Variants in CNTNAP4 observed in about 807,000 individuals in gnomAD.
CNTNAP4 encodes contactin associated protein family member 4.
CNTNAP4 carries 98 observed loss-of-function variants against 148.4 expected under a neutral mutation model. The observed-to-expected ratio is 0.66, with a 90% CI of 0.56 to 0.78. The LOEUF (loss-of-function observed/expected upper bound fraction) is 0.78, where lower values mean the gene tolerates loss of function less well. CNTNAP4 is among the 30% of genes least tolerant of loss of function. The pLI, the probability that CNTNAP4 is intolerant of heterozygous loss-of-function variation, is 0.00. For missense variants in CNTNAP4, 1,935 were observed against 1,565.6 expected, an observed-to-expected ratio of 1.24 and a Z score of -3.98; for synonymous variants, 730 against 565.1, an observed-to-expected ratio of 1.29 and a Z score of -4.14.
At position 76,277,765 on chromosome 16, in the gene CNTNAP4, G is replaced by T; in HGVS notation, c.85+18G>T. ...GAATTCCTGTAAGTATACAGCAAAT[G>T]ATTTAAAACTTGCTGGGGGGCTCTC... On this transcript the variant is annotated intron_variant, in intron 1 of 23. Transcript: ENST00000611870. 1.3e-6 allele frequency: 2 copies of T among 1,486,152 alleles called. No individual in the cohort carries two copies. Among genetic ancestry groups the T allele is most frequent in the East Asian group, 2.3e-5 (1 of 43,162 alleles). The allele number at this position is 1,486,152 out of a possible 1,614,324, so 92.1% of individuals were successfully genotyped here.
chr16:76,442,335 C>T (rs4595827), intron 4 of CNTNAP4, among the ~76,000 whole-genome samples: 150,477 of 152,284 alleles, frequency 0.99, 74,372 homozygotes, highest in East Asian at 1. Context: ...TTCTGAATTC[C>T]AGAATTGTAA....
intron 1 of CNTNAP4, among the ~76,000 whole-genome samples, chr16:76,295,113 G>A (rs919314572): frequency 6.6e-6 from 1 of 152,160 alleles, no homozygotes; most frequent in Admixed American, 6.5e-5. Context: ...CAATGAGGGA[G>A]AGGCATACAC....
At chr16:76,486,403 C>G (rs2082026732) in intron 12 of CNTNAP4, among the ~76,000 whole-genome samples, 1 of 152,164 alleles carries the variant, frequency 6.6e-6, no homozygotes, top group Admixed American at 6.5e-5. Context: ...ACATTAGGAA[C>G]ACAGAAACAA....
At chr16:76,363,969 C>G (rs563167155) in intron 3 of CNTNAP4, among the ~76,000 whole-genome samples, 94 of 151,862 alleles carry the variant, frequency 6.2e-4, no homozygotes, top group Non-Finnish European at 1.0e-3. Context: ...CAAAAAAATA[C>G]ATATGGCCTG....
At chr16:76,543,590 A>G (rs1462281616) in intron 21 of CNTNAP4, among the ~76,000 whole-genome samples, 4 of 152,222 alleles carry the variant, frequency 2.6e-5, no homozygotes, top group Non-Finnish European at 5.9e-5. Context: ...AGAGAGGGAA[A>G]ATTAGACAGA....
intron 3 of CNTNAP4, among the ~76,000 whole-genome samples, chr16:76,414,609 G>T (rs2078913081): frequency 6.6e-6 from 1 of 151,206 alleles, no homozygotes; most frequent in Admixed American, 6.6e-5. Flanking sequence ...GTGTGATTTT[G>T]TCCTTAAATG....
intron 4 of CNTNAP4, among the ~76,000 whole-genome samples, chr16:76,446,410 A>G (rs995598317): frequency 6.6e-6 from 1 of 152,204 alleles, no homozygotes; most frequent in African/African-American, 2.4e-5. Flanking sequence ...GACTTGTGAA[A>G]TGTAGACAAT....
chr16:76,332,435 G>A (rs66497322), intron 2 of CNTNAP4, among the ~76,000 whole-genome samples: 38,772 of 151,870 alleles, frequency 0.26, 5,778 homozygotes, highest in Non-Finnish European at 0.35. Flanking sequence ...ACTAATTTTT[G>A]TCTTTTTTTG....
At chr16:76,356,674 T>C (rs2866714) in intron 3 of CNTNAP4, among the ~76,000 whole-genome samples, 19,960 of 152,132 alleles carry the variant, frequency 0.13, 1,989 homozygotes, top group East Asian at 0.47. Context: ...TTGCTGGAAC[T>C]AGAGAAAATG....
chr16:76,311,504 T>G (rs1275016213), intron 1 of CNTNAP4, among the ~76,000 whole-genome samples: 1 of 152,206 alleles, frequency 6.6e-6, no homozygotes, highest in Non-Finnish European at 1.5e-5. Context: ...CAGAATTCAT[T>G]AAAACATATT....
chr16:76,557,824 G>C (rs936473840), intron 23 of CNTNAP4: 3 of 152,170 alleles, frequency 2.0e-5, no homozygotes, highest in Non-Finnish European at 2.9e-5. Flanking sequence ...CTCTCAAAGT[G>C]TCCCAGGGAC....
rs76322017 is a variant in CNTNAP4, at chr16:76,559,910, G to A, written c.*1227G>A. 1.8e-4 allele frequency among the ~76,000 whole-genome samples: 28 copies of A among 152,240 alleles called. No homozygotes were observed. The East Asian group carries it at 5.4e-3, about 29-fold the overall frequency. On this transcript the variant is annotated 3_prime_UTR_variant, in exon 24 of 24. Transcript: ENST00000611870. ...TCTAAGGGGAGATAGCATATTAAAT[G>A]ATCTACTGTGAATTTGTCATTCCAG...
Position 76,538,247 on chromosome 16 carries a change from A to G in CNTNAP4, c.3127A>G (p.Lys1043Glu). 6.2e-7 allele frequency: 1 copy of G among 1,611,282 alleles called. No individual in the cohort carries two copies. The highest frequency in any genetic ancestry group is 8.5e-7 in the Non-Finnish European group (1 of 1,178,996). Reference protein sequence around the residue: ...GDMKLSREMIKFSFRTTRTPS... With the variant: ...GDMKLSREMIEFSFRTTRTPS... The stretch of plus-strand genomic sequence containing the variant: ...TATGAAGCTGAGCAGAGAAATGATC[A>G]AATTTAGTTTCCGAACAACACGAAC... Residue 1043 changes from lysine to glutamate, a missense_variant, in exon 19 of 24, where the codon AAA (lysine) becomes GAA (glutamate). Physicochemically the swap from Lys to Glu is moderately conservative, Grantham distance 56 (BLOSUM62 1). Coordinates refer to ENST00000611870, the MANE Select transcript of CNTNAP4 (RefSeq NM_033401.5).
chr16:76,325,873 T>G (rs1045617923), intron 2 of CNTNAP4, among the ~76,000 whole-genome samples: 3 of 151,988 alleles, frequency 2.0e-5, no homozygotes, highest in Non-Finnish European at 4.4e-5. Context: ...TTTTGAGAAT[T>G]TAAATGAATT....
chr16:76,519,441 C>T (rs1304388424), intron 15 of CNTNAP4, among the ~76,000 whole-genome samples: 1 of 151,938 alleles, frequency 6.6e-6, no homozygotes, highest in Non-Finnish European at 1.5e-5. Flanking sequence ...ATAATATTAC[C>T]TAATTTAAAC....
At chr16:76,299,059 C>G (rs1567618976) in intron 1 of CNTNAP4, among the ~76,000 whole-genome samples, 2 of 151,702 alleles carry the variant, frequency 1.3e-5, no homozygotes, top group Non-Finnish European at 2.9e-5. Context: ...AAAACCTAGG[C>G]AGTACTACTA....
chr16:76,331,898 C>T (rs1029165662), intron 2 of CNTNAP4, among the ~76,000 whole-genome samples: 1 of 152,188 alleles, frequency 6.6e-6, no homozygotes, highest in East Asian at 1.9e-4. Context: ...GTTGGACAGG[C>T]CTACAGGCAA....
Position 76,553,396 on chromosome 16 carries a change from A to G in CNTNAP4, c.3556A>G (p.Ser1186Gly), listed in dbSNP as rs918267111. 1.9e-6 allele frequency: 3 copies of G among 1,612,490 alleles called. No homozygotes were observed. The highest frequency in any genetic ancestry group is 1.6e-4 in the Middle Eastern group (1 of 6,078). Residue 1186 changes from serine to glycine, a missense_variant, in exon 22 of 24, where the codon AGC (serine) becomes GGC (glycine). Coordinates refer to ENST00000611870, the MANE Select transcript of CNTNAP4 (RefSeq NM_033401.5). ...CCCTCTGAAGGCAGCTCTGCACCCC[A>G]GCCACCCAGACCCTGTCACTGTTAC... ...VAPLKAALHP[S>G]HPDPVTVTGH...
At chr16:76,400,700 T>C (rs1481993500) in intron 3 of CNTNAP4, among the ~76,000 whole-genome samples, 1 of 152,214 alleles carries the variant, frequency 6.6e-6, no homozygotes, top group Non-Finnish European at 1.5e-5. Flanking sequence ...TAACGCATAT[T>C]GAGTTAACTT....
Sources: allele counts gnomAD v4.1 joint callset (sites outside exome capture counted in the v4.1 genomes callset), GRCh38; gene constraint gnomAD v4.1.1; transcripts MANE v1.5; gene names NCBI Gene and HGNC (gene_info 2026-07-23, HGNC 2026-07-21).